AXL: variants seen among roughly 807,000 people sequenced by gnomAD.
The protein encoded by AXL is AXL receptor tyrosine kinase.
Under a neutral mutation model 104.5 loss-of-function variants are expected in AXL, and 52 were observed. The observed-to-expected ratio is 0.50, with a 90% CI of 0.40 to 0.63. The LOEUF is 0.63. AXL is among the 20% of genes least tolerant of loss of function. The probability of loss-of-function intolerance (pLI) is 0.00; values close to 1 mark genes in which losing one functional copy is unlikely to be tolerated. For missense variants in AXL, 1,024 were observed against 1,188.5 expected (o/e 0.86, Z 2.04); for synonymous variants, 455 against 473.7 (o/e 0.96, Z 0.51).
intron 4 of AXL, among the ~76,000 whole-genome samples, chr19:41,227,128 T>A (rs1054105834): frequency 1.3e-5 from 2 of 151,916 alleles, no homozygotes; most frequent in African/African-American, 4.8e-5. Flanking sequence ...TGGTCCTTCT[T>A]ACATCCTAGC....
intron 17 of AXL, among the ~76,000 whole-genome samples, chr19:41,255,401 C>A (rs1421898793): frequency 6.9e-6 from 1 of 144,486 alleles, no homozygotes; most frequent in African/African-American, 2.6e-5. Flanking sequence ...TCCTTCCTTC[C>A]CTCCCTCCCT....
intron 14 of AXL, among the ~76,000 whole-genome samples, chr19:41,250,818 A>G (rs1289760457): frequency 6.6e-6 from 1 of 152,132 alleles, no homozygotes; most frequent in East Asian, 1.9e-4. Flanking sequence ...AGCTCACTGT[A>G]GTCTCAACCT....
intron 19 of AXL, among the ~76,000 whole-genome samples, chr19:41,257,842 T>C (rs1013327289): frequency 2.0e-5 from 3 of 152,242 alleles, no homozygotes; most frequent in African/African-American, 7.2e-5. Flanking sequence ...CCTTTGTCTG[T>C]GTGGGCTGAA....
In AXL at chr19:41,231,291, C is replaced by G; in HGVS notation, c.776C>G (p.Thr259Ser). The change falls in exon 6 of 20, where the codon ACC (threonine) becomes AGC (serine). Residue 259 changes from threonine to serine, a missense_variant. Coordinates refer to ENST00000301178, the MANE Select transcript of AXL (RefSeq NM_021913.5). ...LSGIYPLTHC[T>S]LQAVLSDDGM... ...GGCATCTACCCCCTGACCCACTGCA[C>G]CCTGCAGGTGAGACTCCCAAACTTG... is the stretch of plus-strand genomic sequence containing the variant. 4.3e-6 allele frequency: 7 copies of G among 1,613,080 alleles called. No homozygotes were observed. Among genetic ancestry groups the G allele is most frequent in the Non-Finnish European group, 5.9e-6 (7 of 1,179,356 alleles).
chr19:41,252,792 G>T (rs2034386783), intron 15 of AXL, 54 bp from the exon 16 acceptor site: 1 of 1,607,842 alleles, frequency 6.2e-7, no homozygotes, highest in Admixed American at 1.7e-5. Context: ...CTGGTGGGGG[G>T]CTTGGCTTCC....
chr19:41,222,778 C>T (rs966332219), intron 4 of AXL, among the ~76,000 whole-genome samples: 21 of 151,948 alleles, frequency 1.4e-4, no homozygotes, highest in African/African-American at 3.6e-4. Context: ...TGGTGGCGGG[C>T]GCCTGTAGTC....
At chr19:41,248,707 C>T in intron 13 of AXL, 36 bp from the exon 14 acceptor site, 4 of 1,613,444 alleles carry the variant, frequency 2.5e-6, no homozygotes, top group Non-Finnish European at 2.5e-6. Context: ...CCCCACGGGC[C>T]CTCTGAGGTC....
At chr19:41,219,804 G>A (rs2033752930) in intron 1 of AXL, among the ~76,000 whole-genome samples, 3 of 151,688 alleles carry the variant, frequency 2.0e-5, no homozygotes, top group Non-Finnish European at 1.5e-5. Context: ...GCTGAGGGTC[G>A]CCAGGAAGGA....
At chr19:41,248,132 C>T (rs1187517705) in intron 12 of AXL, among the ~76,000 whole-genome samples, 2 of 152,128 alleles carry the variant, frequency 1.3e-5, no homozygotes, top group Admixed American at 6.5e-5. Flanking sequence ...CCATGTTGCC[C>T]AGGCTGGTCT....
intron 4 of AXL, among the ~76,000 whole-genome samples, chr19:41,224,166 T>C (rs889945306): frequency 6.6e-6 from 1 of 151,972 alleles, no homozygotes; most frequent in Non-Finnish European, 1.5e-5. Flanking sequence ...TGTTTGTGTG[T>C]TCACAGCTGG....
chr19:41,231,253 T>A lies in AXL; in HGVS notation c.738T>A (p.Thr246=). 6.2e-7 allele frequency: 1 copy of A among 1,613,804 alleles called. No individual in the cohort carries two copies. The highest frequency in any genetic ancestry group is 8.5e-7 in the Non-Finnish European group (1 of 1,179,820). The change falls in exon 6 of 20, where the codon ACT becomes ACA. Residue 246 remains threonine (T), a synonymous_variant. Transcript: ENST00000301178. ...RQPTELEVAW[T]PGLSGIYPLT... is the part of the protein sequence containing the mutation. The stretch of plus-strand genomic sequence containing the variant: ...CCACGGAGCTGGAGGTGGCTTGGAC[T>A]CCAGGCCTGAGCGGCATCTACCCCC...
intron 1 of AXL, 49 bp from the exon 2 acceptor site, chr19:41,220,587 G>T (rs949775776): frequency 1.3e-6 from 2 of 1,494,106 alleles, no homozygotes; most frequent in Non-Finnish European, 1.8e-6. Context: ...ACTGAGGGCC[G>T]GAAGGAGCTG....
intron 2 of AXL, 97 bp from the exon 3 acceptor site, chr19:41,221,049 G>T: frequency 7.9e-7 from 1 of 1,272,128 alleles, no homozygotes. Flanking sequence ...GTTGTCATGA[G>T]CTTCCAGACT....
chr19:41,235,806 C>T (rs1356273004), intron 6 of AXL, among the ~76,000 whole-genome samples: 1 of 152,150 alleles, frequency 6.6e-6, no homozygotes, highest in Non-Finnish European at 1.5e-5. Context: ...CACAGGACAA[C>T]AGGATTGATG....
Position 41,220,446 on chromosome 19 carries a change from C to T in AXL, c.86-190C>T, listed in dbSNP as rs2033768524. The T allele has an allele frequency of 1.0e-5, 6 of 584,914 alleles. No homozygotes were observed. In the Admixed American group the frequency reaches 1.8e-4, roughly 18 times the overall value. The allele number at this position is 584,914 out of a possible 1,614,324, so 36.2% of individuals were successfully genotyped here. ...ACGGGATGGACGCTAGATCCCAGTC[C>T]CTTGGGAGGGCTCCCGTCCTCCTCT... On this transcript the variant is annotated intron_variant, in intron 1 of 19. Transcript: ENST00000301178.
chr19:41,221,817 G>A (rs748934171), intron 3 of AXL, 63 bp from the exon 4 acceptor site: 12 of 1,555,656 alleles, frequency 7.7e-6, no homozygotes, highest in Non-Finnish European at 1.0e-5. Flanking sequence ...GCATCCTAGT[G>A]GTGAGTCAGG....
intron 4 of AXL, among the ~76,000 whole-genome samples, chr19:41,227,675 A>G (rs2033907390): frequency 6.6e-6 from 1 of 151,624 alleles, no homozygotes; most frequent in Admixed American, 6.6e-5. Context: ...TTTAGTAGAG[A>G]CGGGGGTTTC....
At chr19:41,223,652 G>A (rs1293904238) in intron 4 of AXL, among the ~76,000 whole-genome samples, 1 of 152,124 alleles carries the variant, frequency 6.6e-6, no homozygotes, top group Non-Finnish European at 1.5e-5. Context: ...AGCATTCCTG[G>A]GACCCTGAGT....
At chr19:41,227,362 G>A (rs1468384912) in intron 4 of AXL, among the ~76,000 whole-genome samples, 1 of 151,908 alleles carries the variant, frequency 6.6e-6, no homozygotes, top group Non-Finnish European at 1.5e-5. Context: ...AGCAACCTCA[G>A]TACATATATA....
Sources: gnomAD v4.1 joint callset for allele counts (sites outside exome capture counted in the v4.1 genomes callset) on GRCh38, gnomAD v4.1.1 for gene constraint, MANE v1.5 for transcripts, NCBI Gene and HGNC (gene_info 2026-07-23, HGNC 2026-07-21) for gene names.